Variants in ZBTB7C observed in about 807,000 individuals in gnomAD.
ZBTB7C encodes zinc finger and BTB domain-containing protein 7C.
A neutral mutation model predicts 25.7 loss-of-function variants in ZBTB7C; 8 were observed. That is an observed-to-expected ratio of 0.31 (90% CI 0.18 to 0.56). ZBTB7C has a LOEUF of 0.56. Among genes scored for constraint, ZBTB7C ranks in the 20% least tolerant of loss-of-function variants. ZBTB7C has a pLI of 0.91. For missense variants in ZBTB7C, 824 were observed against 855.2 expected, an observed-to-expected ratio of 0.96 and a Z score of 0.46; for synonymous variants, 394 against 369.0, an observed-to-expected ratio of 1.07 and a Z score of -0.78.
intron 1 of ZBTB7C, among the ~76,000 whole-genome samples, chr18:48,365,914 C>T (rs2047211856): frequency 6.6e-6 from 1 of 152,126 alleles, no homozygotes; most frequent in African/African-American, 2.4e-5. Context: ...AGGGCAGGGC[C>T]TGCAGGTTCA....
chr18:48,348,176 G>T (rs760065955), intron 1 of ZBTB7C, among the ~76,000 whole-genome samples: 32 of 152,336 alleles, frequency 2.1e-4, no homozygotes, highest in Non-Finnish European at 3.1e-4. Context: ...GGGTGGAGGG[G>T]TGGGGATGTT....
At chr18:48,308,301 T>A (rs2045727089) in intron 2 of ZBTB7C, among the ~76,000 whole-genome samples, 1 of 152,226 alleles carries the variant, frequency 6.6e-6, no homozygotes, top group Non-Finnish European at 1.5e-5. Flanking sequence ...GCCAGCTCCT[T>A]AGCTCTGCCC....
rs146190244 is a variant in ZBTB7C at position 48,234,513 on chromosome 18, C to CGT, written c.-78-48520_-78-48519dup. Among the ~76,000 whole-genome samples, 337 of 151,194 alleles carry CGT rather than the reference C, an allele frequency of 2.2e-3. 1 individual carries two copies. The highest frequency in any genetic ancestry group is 3.3e-3 in the African/African-American group (137 of 41,326). On this transcript the variant is annotated intron_variant, in intron 2 of 4. Transcript: ENST00000590800. ...GCCTATATAAGTACATGTGTACATGCGTGTGTGTGTGTGTGTATTTACCTG... is the reference window on the plus strand; with the variant it reads ...GCCTATATAAGTACATGTGTACATGCGTGTGTGTGTGTGTGTGTATTTACCTG...
intron 2 of ZBTB7C, among the ~76,000 whole-genome samples, chr18:48,196,244 T>C (rs1438719693): frequency 6.6e-6 from 1 of 152,228 alleles, no homozygotes; most frequent in African/African-American, 2.4e-5. Flanking sequence ...CTGGGGCTGC[T>C]TCTTCCCTAC....
intron 3 of ZBTB7C, among the ~76,000 whole-genome samples, chr18:48,092,958 A>G (rs1450986022): frequency 6.6e-6 from 1 of 152,218 alleles, no homozygotes; most frequent in African/African-American, 2.4e-5. Context: ...CTTCCACTAA[A>G]CACTGAGGAT....
chr18:48,409,458 C>A, upstream of ZBTB7C: 2 of 146,540 alleles, frequency 1.4e-5, no homozygotes, highest in South Asian at 3.7e-4. Flanking sequence ...CCCCGCGCCC[C>A]GCCTCCCGCG....
At chr18:48,253,267 A>G (rs183136592) in intron 2 of ZBTB7C, among the ~76,000 whole-genome samples, 19 of 152,304 alleles carry the variant, frequency 1.2e-4, no homozygotes, top group Non-Finnish European at 2.2e-4. Context: ...AGTCAAGGTA[A>G]AATAAATACC....
intron 2 of ZBTB7C, among the ~76,000 whole-genome samples, chr18:48,221,897 C>T (rs2042971152): frequency 6.6e-6 from 1 of 150,804 alleles, no homozygotes; most frequent in Non-Finnish European, 1.5e-5. Flanking sequence ...CTATACTGTC[C>T]TAGTCTCCCT....
intron 2 of ZBTB7C, among the ~76,000 whole-genome samples, chr18:48,263,226 T>A (rs563375207): frequency 6.6e-6 from 1 of 152,302 alleles, no homozygotes; most frequent in East Asian, 1.9e-4. Flanking sequence ...TTCAGGACCA[T>A]CCCCCACACT....
chr18:48,380,385 G>A (rs1599000070), intron 1 of ZBTB7C, among the ~76,000 whole-genome samples: 1 of 152,146 alleles, frequency 6.6e-6, no homozygotes, highest in Admixed American at 6.5e-5. Flanking sequence ...TGTTGGAATG[G>A]GAAGTTACAA....
chr18:48,133,211 T>C (rs1042457370), intron 3 of ZBTB7C, among the ~76,000 whole-genome samples: 1 of 152,142 alleles, frequency 6.6e-6, no homozygotes, highest in African/African-American at 2.4e-5. Context: ...TCTTATCCCA[T>C]GGGGGGAACC....
At chr18:48,312,188 C>A (rs1320120137) in intron 2 of ZBTB7C, among the ~76,000 whole-genome samples, 1 of 152,240 alleles carries the variant, frequency 6.6e-6, no homozygotes, top group African/African-American at 2.4e-5. Flanking sequence ...CTTGGAGATC[C>A]AGTCCCCTCC....
At chr18:48,340,052 C>CT (rs1202853984) in intron 1 of ZBTB7C, among the ~76,000 whole-genome samples, 22 of 152,326 alleles carry the variant, frequency 1.4e-4, no homozygotes, top group African/African-American at 4.8e-4. Context: ...TTCATATACT[C>CT]TATGTGTGGA....
intron 2 of ZBTB7C, among the ~76,000 whole-genome samples, chr18:48,265,849 T>C (rs1166852577): frequency 6.6e-6 from 1 of 152,228 alleles, no homozygotes; most frequent in African/African-American, 2.4e-5. Context: ...CTGTACCATG[T>C]GATTCTGCAC....
At chr18:48,293,205 C>T (rs943207149) in intron 2 of ZBTB7C, among the ~76,000 whole-genome samples, 2 of 152,202 alleles carry the variant, frequency 1.3e-5, no homozygotes, top group African/African-American at 4.8e-5. Flanking sequence ...GGCTGGGAAG[C>T]CCAGGATCAA....
At chr18:48,250,017 G>A (rs2043801806) in intron 2 of ZBTB7C, among the ~76,000 whole-genome samples, 1 of 152,176 alleles carries the variant, frequency 6.6e-6, no homozygotes, top group Non-Finnish European at 1.5e-5. Flanking sequence ...AAGCTGTTAG[G>A]TGGAGGGGAG....
rs1399554582 is a variant in ZBTB7C at position 48,341,532 on chromosome 18, T to C, written c.-303-3134A>G. 3.3e-5 allele frequency among the ~76,000 whole-genome samples: 5 copies of C among 152,250 alleles called. No homozygotes were observed. The East Asian group carries it at 9.6e-4, about 29-fold the overall frequency. ...TCACCCATCAGCGAGATAGGTCTTA[T>C]TCGCCACTGTAGGGCTGGTGACAGC... On this transcript the variant is annotated intron_variant, in intron 1 of 4. Transcript: ENST00000590800.
chr18:48,298,279 C>CA (rs35832838), intron 2 of ZBTB7C, among the ~76,000 whole-genome samples: 11,760 of 120,934 alleles, frequency 0.097, 692 homozygotes, highest in Middle Eastern at 0.15. Flanking sequence ...GACTCTGTCT[C>CA]AAAAAAAAAA....
At chr18:48,142,206 T>C (rs2040369744) in intron 3 of ZBTB7C, among the ~76,000 whole-genome samples, 1 of 152,362 alleles carries the variant, frequency 6.6e-6, no homozygotes, top group African/African-American at 2.4e-5. Context: ...ATAATGGTGA[T>C]CCAGAGAAAT....
Sources: gnomAD v4.1 joint callset for allele counts (sites outside exome capture counted in the v4.1 genomes callset) on GRCh38, gnomAD v4.1.1 for gene constraint, MANE v1.5 for transcripts, NCBI Gene and HGNC (gene_info 2026-07-23, HGNC 2026-07-21) for gene names.